The following GANC variants were observed in gnomAD, a reference collection of about 807,000 sequenced individuals.
GANC encodes glucosidase alpha, neutral C.
In GANC, 117 loss-of-function variants were observed where a neutral mutation model predicts 124.2. That is an observed-to-expected ratio of 0.94 (90% CI 0.81 to 1.10). The LOEUF (loss-of-function observed/expected upper bound fraction) is 1.10. GANC is among the 50% of genes least tolerant of loss of function. The pLI, the probability that GANC is intolerant of heterozygous loss-of-function variation, is 0.00. For missense variants in GANC, 1,140 were observed against 1,095.0 expected (o/e 1.04, Z -0.58); for synonymous variants, 377 against 376.8 (o/e 1.00, Z -0.01).
chr15:42,336,811 A>G (rs530053211), intron 15 of GANC, among the ~76,000 whole-genome samples: 2 of 152,360 alleles, frequency 1.3e-5, no homozygotes, highest in East Asian at 3.9e-4. Flanking sequence ...CCCCATTAAA[A>G]AGTGGGCAAA....
intron 5 of GANC, among the ~76,000 whole-genome samples, chr15:42,293,230 T>C (rs2141027464): frequency 6.6e-6 from 1 of 152,288 alleles, no homozygotes. Flanking sequence ...TAGCATACCT[T>C]CGTAATTTCA....
At chr15:42,339,341 C>T (rs1035516352) in intron 16 of GANC, among the ~76,000 whole-genome samples, 1 of 150,722 alleles carries the variant, frequency 6.6e-6, no homozygotes, top group Non-Finnish European at 1.5e-5. Context: ...CACACACACA[C>T]ACACACACAC....
chr15:42,315,543 T>TA (rs1163232430), intron 10 of GANC, among the ~76,000 whole-genome samples: 1 of 152,252 alleles, frequency 6.6e-6, no homozygotes, highest in Admixed American at 6.5e-5. Flanking sequence ...GGTGGAAATG[T>TA]AAAATGGTTC....
At chr15:42,300,292 A>G (rs1345517349) in intron 6 of GANC, among the ~76,000 whole-genome samples, 1 of 152,254 alleles carries the variant, frequency 6.6e-6, no homozygotes, top group Non-Finnish European at 1.5e-5. Context: ...ACATAGGCAA[A>G]GGATATGAAC....
At chr15:42,347,006 T>C (rs2052370881) in intron 20 of GANC, among the ~76,000 whole-genome samples, 1 of 152,142 alleles carries the variant, frequency 6.6e-6, no homozygotes, top group African/African-American at 2.4e-5. Context: ...AATTATCTAC[T>C]CTAATCCCTC....
rs1337489769 is a variant in GANC, at chr15:42,321,997, C to T, written c.1270C>T (p.Leu424=). ...CCCAAACCCCAAGAGGATGCAAGAG[C>T]TGCTCAGGAGCAAAAAGCGTAAGGT... The part of the protein sequence containing the change: ...RFPNPKRMQE[L]LRSKKRKLVV... Residue 424 remains leucine (L), a synonymous_variant, in exon 11 of 24, where the codon CTG becomes TTG. Transcript: ENST00000318010. 3 of 1,613,128 alleles carry T rather than the reference C, an allele frequency of 1.9e-6. No homozygotes were observed. In the South Asian group the frequency reaches 3.3e-5, roughly 18 times the overall value.
intron 11 of GANC, among the ~76,000 whole-genome samples, chr15:42,322,605 G>A (rs1223644003): frequency 2.0e-5 from 3 of 152,178 alleles, no homozygotes; most frequent in Admixed American, 6.5e-5. Context: ...GATACGGGCC[G>A]AAGGGTAAGG....
chr15:42,353,602 G>A lies in GANC; in HGVS notation c.*1463G>A. On this transcript the variant is annotated 3_prime_UTR_variant, in exon 24 of 24. Coordinates refer to ENST00000318010, the MANE Select transcript of GANC (RefSeq NM_198141.3). ...AGAGCACTATTATACCTGACTTTCA[G>A]TAACTGTTAGCTGTGATTAGTTAGC... 1.0e-6 allele frequency: 1 copy of A among 985,670 alleles called. No homozygotes were observed. The highest frequency in any genetic ancestry group is 5.2e-4 in the Middle Eastern group (1 of 1,912). 61.1% of individuals were successfully genotyped at this position (985,670 alleles called of 1,614,324 possible).
At chr15:42,341,752 T>C (rs2052330743) in intron 18 of GANC, among the ~76,000 whole-genome samples, 1 of 152,032 alleles carries the variant, frequency 6.6e-6, no homozygotes, top group South Asian at 2.1e-4. Flanking sequence ...TTAGTAGAGA[T>C]GGGGTTTCGT....
intron 10 of GANC, among the ~76,000 whole-genome samples, chr15:42,316,322 G>A (rs572172128): frequency 1.3e-5 from 2 of 152,108 alleles, no homozygotes; most frequent in Admixed American, 6.5e-5. Context: ...CCACCAAGAC[G>A]CGGAGACTGG....
At chr15:42,346,582 A>T (rs1213234660) in intron 20 of GANC, among the ~76,000 whole-genome samples, 1 of 152,236 alleles carries the variant, frequency 6.6e-6, no homozygotes, top group African/African-American at 2.4e-5. Context: ...ATTTCACAGA[A>T]TGAGACATCA....
intron 6 of GANC, among the ~76,000 whole-genome samples, chr15:42,302,993 A>G (rs1385407992): frequency 6.6e-6 from 1 of 152,216 alleles, no homozygotes; most frequent in Non-Finnish European, 1.5e-5. Flanking sequence ...CAAATTCAGG[A>G]AATACAGAGA....
chr15:42,310,486 A>G, intron 9 of GANC, 23 bp downstream of exon 9: 1 of 1,568,348 alleles, frequency 6.4e-7, no homozygotes. Context: ...TCATGGCTAC[A>G]TGTCATACTT....
intron 22 of GANC, among the ~76,000 whole-genome samples, chr15:42,350,098 T>G (rs1483243291): frequency 3.8e-5 from 5 of 132,818 alleles, no homozygotes; most frequent in Non-Finnish European, 7.8e-5. Flanking sequence ...TGGCACAATC[T>G]CGGCTCACCG....
chr15:42,331,627 G>C (rs549722134), intron 15 of GANC, among the ~76,000 whole-genome samples: 2 of 152,276 alleles, frequency 1.3e-5, no homozygotes, highest in Admixed American at 6.5e-5. Context: ...TCTGGAAAGG[G>C]CCAAAATATT....
intron 10 of GANC, among the ~76,000 whole-genome samples, chr15:42,316,754 G>A (rs751705757): frequency 1.3e-4 from 20 of 152,152 alleles, no homozygotes; most frequent in Non-Finnish European, 2.6e-4. Flanking sequence ...TCCAAGGAAA[G>A]GAGACTCCCT....
Position 42,321,984 on chromosome 15 carries a change from G to A in GANC, c.1257G>A (p.Lys419=). 6.2e-7 allele frequency: 1 copy of A among 1,613,754 alleles called. No individual in the cohort carries two copies. The highest frequency in any genetic ancestry group is 8.5e-7 in the Non-Finnish European group (1 of 1,179,836). Residue 419 remains lysine, a synonymous_variant, in exon 11 of 24, where the codon AAG becomes AAA. Transcript: ENST00000318010. Reference sequence around the variant, plus strand: ...ACAAAAACAGATTCCCAAACCCCAAGAGGATGCAAGAGCTGCTCAGGAGCA... The same window carrying A: ...ACAAAAACAGATTCCCAAACCCCAAAAGGATGCAAGAGCTGCTCAGGAGCA... ...TWDKNRFPNP[K]RMQELLRSKK...
intron 3 of GANC, chr15:42,281,146 T>C (rs1397749256): frequency 4.3e-6 from 3 of 701,846 alleles, no homozygotes; most frequent in Admixed American, 2.0e-5. Flanking sequence ...ATTAGAAATA[T>C]CAGAACCACA....
intron 4 of GANC, among the ~76,000 whole-genome samples, chr15:42,291,755 G>A (rs1317169636): frequency 6.6e-6 from 1 of 152,122 alleles, no homozygotes; most frequent in Non-Finnish European, 1.5e-5. Flanking sequence ...ACTCAAAATG[G>A]TTTAACGCTT....
Sources: gnomAD v4.1 joint callset for allele counts (sites outside exome capture counted in the v4.1 genomes callset) on GRCh38, gnomAD v4.1.1 for gene constraint, MANE v1.5 for transcripts, NCBI Gene and HGNC (gene_info 2026-07-23, HGNC 2026-07-21) for gene names.